NXPE2: variants seen among roughly 807,000 people sequenced by gnomAD.
NXPE2 encodes the protein NXPE family member 2.
NXPE2 carries 34 observed loss-of-function variants against 34.4 expected under a neutral mutation model. That is an observed-to-expected ratio of 0.99 (90% CI 0.75 to 1.31). The LOEUF (loss-of-function observed/expected upper bound fraction) is 1.31, where lower values mean the gene tolerates loss of function less well. Among genes scored for constraint, NXPE2 ranks in the 40% most tolerant of loss-of-function variants. The probability of loss-of-function intolerance (pLI) is 0.00; values close to 1 mark genes in which losing one functional copy is unlikely to be tolerated. For missense variants in NXPE2, 649 were observed against 672.5 expected (o/e 0.97, Z 0.39); for synonymous variants, 235 against 231.3 (o/e 1.02, Z -0.15).
chr11:114,812,581 T>C, the NXPE2 span, among the ~76,000 whole-genome samples: 1 of 152,160 alleles, frequency 6.6e-6, no homozygotes, highest in South Asian at 2.1e-4. Flanking sequence ...ATGCCAGCTT[T>C]TGAGCAAAAA....
the NXPE2 span, among the ~76,000 whole-genome samples, chr11:114,616,139 G>A: frequency 1.3e-5 from 2 of 151,622 alleles, no homozygotes; most frequent in Admixed American, 6.6e-5. Flanking sequence ...TGGATAATAA[G>A]TATTGCCTCG....
chr11:114,501,841 A>G, the NXPE2 span, among the ~76,000 whole-genome samples: 1 of 152,324 alleles, frequency 6.6e-6, no homozygotes, highest in Admixed American at 6.5e-5. Context: ...ACAGAGAACA[A>G]TAAAAGAAGT....
At chr11:114,618,517 G>C in the NXPE2 span, among the ~76,000 whole-genome samples, 1 of 151,936 alleles carries the variant, frequency 6.6e-6, no homozygotes, top group Non-Finnish European at 1.5e-5. Context: ...CTGTTTCCCA[G>C]TGGATAATAA....
chr11:114,729,958 T>C, the NXPE2 span, among the ~76,000 whole-genome samples: 1 of 152,186 alleles, frequency 6.6e-6, no homozygotes, highest in Non-Finnish European at 1.5e-5. Context: ...TTTTGAGACT[T>C]AGTCAAAAAT....
chr11:114,590,680 A>G, the NXPE2 span, among the ~76,000 whole-genome samples: 1 of 152,176 alleles, frequency 6.6e-6, no homozygotes, highest in Non-Finnish European at 1.5e-5. Context: ...TTCAGGCCTG[A>G]GGACCAGCTC....
At chr11:114,544,245 A>G in the NXPE2 span, among the ~76,000 whole-genome samples, 1 of 152,188 alleles carries the variant, frequency 6.6e-6, no homozygotes. Flanking sequence ...GAAATTTTAT[A>G]TGGAAAGGTA....
At chr11:114,780,717 C>T in the NXPE2 span, among the ~76,000 whole-genome samples, 3 of 152,072 alleles carry the variant, frequency 2.0e-5, no homozygotes, top group Non-Finnish European at 4.4e-5. Context: ...TGACTCAGGG[C>T]GATCTGATAA....
the NXPE2 span, among the ~76,000 whole-genome samples, chr11:114,712,423 TA>T: frequency 4.0e-5 from 6 of 151,472 alleles, no homozygotes; most frequent in Non-Finnish European, 7.4e-5. Context: ...CCAGAATATG[TA>T]AAAAAACAAA....
intron 2 of NXPE2, among the ~76,000 whole-genome samples, chr11:114,695,182 T>A (rs368137368): frequency 6.6e-6 from 1 of 152,224 alleles, no homozygotes; most frequent in South Asian, 2.1e-4. Flanking sequence ...AGAGACTTCA[T>A]CCTTGGGTGT....
the NXPE2 span, among the ~76,000 whole-genome samples, chr11:114,538,038 G>T: frequency 6.6e-6 from 1 of 151,846 alleles, no homozygotes; most frequent in East Asian, 1.9e-4. Flanking sequence ...ATACTACAAG[G>T]CTACAGTAAC....
At chr11:114,492,144 A>G in the NXPE2 span, among the ~76,000 whole-genome samples, 1 of 152,258 alleles carries the variant, frequency 6.6e-6, no homozygotes, top group East Asian at 1.9e-4. Context: ...ATGTACCCTA[A>G]AATTTAAAGT....
chr11:114,808,919 A>G, the NXPE2 span, among the ~76,000 whole-genome samples: 1 of 152,196 alleles, frequency 6.6e-6, no homozygotes, highest in African/African-American at 2.4e-5. Flanking sequence ...AATATCCTTG[A>G]TGAACATTGA....
chr11:114,558,212 GTGTATA>G, the NXPE2 span, among the ~76,000 whole-genome samples: 1 of 151,934 alleles, frequency 6.6e-6, no homozygotes. Flanking sequence ...TTATGTGTGT[GTGTATA>G]TATATATCCA....
At chr11:114,588,428 G>C in the NXPE2 span, among the ~76,000 whole-genome samples, 2 of 152,172 alleles carry the variant, frequency 1.3e-5, no homozygotes, top group African/African-American at 2.4e-5. Flanking sequence ...CTCTCATGGA[G>C]GGATGTTATG....
chr11:114,589,928 C>T, the NXPE2 span, among the ~76,000 whole-genome samples: 1 of 152,182 alleles, frequency 6.6e-6, no homozygotes, highest in Non-Finnish European at 1.5e-5. Flanking sequence ...AATCCCTATA[C>T]CTTGCTAATC....
the NXPE2 span, among the ~76,000 whole-genome samples, chr11:114,573,119 G>A: frequency 0.21 from 31,191 of 151,922 alleles, 4,201 homozygotes; most frequent in African/African-American, 0.37. Flanking sequence ...ACTAAGCTTC[G>A]TAAATGAAGA....
At chr11:114,599,182 A>G in the NXPE2 span, among the ~76,000 whole-genome samples, 1 of 152,180 alleles carries the variant, frequency 6.6e-6, no homozygotes, top group Non-Finnish European at 1.5e-5. Flanking sequence ...TTCAAGGTCA[A>G]AGTTCCACAG....
At chr11:114,564,146 A>G in the NXPE2 span, among the ~76,000 whole-genome samples, 1 of 152,222 alleles carries the variant, frequency 6.6e-6, no homozygotes, top group African/African-American at 2.4e-5. Context: ...AAATAATGGC[A>G]TTCGCAGCAA....
chr11:114,809,450 G>C, the NXPE2 span, among the ~76,000 whole-genome samples: 66 of 146,172 alleles, frequency 4.5e-4, no homozygotes, highest in Non-Finnish European at 8.0e-4. Context: ...AAACCCCATT[G>C]TCTCAGCCCA....
Sources: gnomAD v4.1 joint callset for allele counts (sites outside exome capture counted in the v4.1 genomes callset) on GRCh38, gnomAD v4.1.1 for gene constraint, MANE v1.5 for transcripts, NCBI Gene and HGNC (gene_info 2026-07-23, HGNC 2026-07-21) for gene names.